ARHGAP32: variants seen among roughly 807,000 people sequenced by gnomAD.
ARHGAP32 encodes the protein Rho GTPase activating protein 32, also known as rho GTPase-activating protein 32.
Under a neutral mutation model 186.5 loss-of-function variants are expected in ARHGAP32, and 51 were observed. That is an observed-to-expected ratio of 0.27 (90% CI 0.22 to 0.35). ARHGAP32 has a LOEUF of 0.35. Among genes scored for constraint, ARHGAP32 ranks in the 10% least tolerant of loss-of-function variants. The probability of loss-of-function intolerance (pLI) is 1.00; values close to 1 mark genes in which losing one functional copy is unlikely to be tolerated. For synonymous variants in ARHGAP32, 950 were observed against 964.3 expected (o/e 0.99, Z 0.27); for missense variants, 2,186 against 2,623.5 (o/e 0.83, Z 3.64).
At chr11:129,153,169 C>A (rs1209229679) in intron 2 of ARHGAP32, among the ~76,000 whole-genome samples, 11 of 151,082 alleles carry the variant, frequency 7.3e-5, no homozygotes, top group Non-Finnish European at 4.4e-5. Context: ...TAGGAATATA[C>A]CTAACCAAGG....
intron 1 of ARHGAP32, among the ~76,000 whole-genome samples, chr11:129,216,669 T>TAA (rs201308944): frequency 0.083 from 9,813 of 118,508 alleles, 441 homozygotes; most frequent in Non-Finnish European, 0.096. Context: ...AGACTGTCTT[T>TAA]AAAAAAAAAA....
At chr11:129,024,616 A>G (rs1938750652) in intron 11 of ARHGAP32, among the ~76,000 whole-genome samples, 1 of 152,184 alleles carries the variant, frequency 6.6e-6, no homozygotes, top group African/African-American at 2.4e-5. Context: ...ATTCTAAGAC[A>G]ATCTCTTATG....
At chr11:129,268,877 T>C (rs1359415089) in intron 1 of ARHGAP32, among the ~76,000 whole-genome samples, 1 of 152,118 alleles carries the variant, frequency 6.6e-6, no homozygotes, top group Non-Finnish European at 1.5e-5. Flanking sequence ...AGCACCTCTC[T>C]ATCATCAACA....
chr11:129,042,810 C>A (rs1186537627), intron 10 of ARHGAP32, among the ~76,000 whole-genome samples: 1 of 152,098 alleles, frequency 6.6e-6, no homozygotes, highest in Non-Finnish European at 1.5e-5. Flanking sequence ...CGGTGTGAGT[C>A]CCAGCAATGG....
rs1345923944 is a variant in ARHGAP32 at position 128,976,612 on chromosome 11, G to A, written c.2145C>T (p.Leu715=). The change falls in exon 20 of 23, where the codon CTC becomes CTT. Residue 715 remains leucine (L), a synonymous_variant. Coordinates refer to ENST00000682385, the MANE Select transcript of ARHGAP32 (RefSeq NM_001378024.1). ...GAGACTCCTCACTTTTAGCTGAACG[G>A]AGGGTTCCTTCTGCCCTGCCACCTG... ...ALKGGRAEGT[L]RSAKSEESLT... The A allele has an allele frequency of 6.2e-7, 1 of 1,613,954 alleles. No individual in the cohort carries two copies. Among genetic ancestry groups the A allele is most frequent in the Admixed American group, 1.7e-5 (1 of 60,016 alleles).
chr11:129,204,697 A>G (rs1458629890), intron 1 of ARHGAP32, among the ~76,000 whole-genome samples: 1 of 152,186 alleles, frequency 6.6e-6, no homozygotes, highest in Non-Finnish European at 1.5e-5. Context: ...TAAAAATGAG[A>G]ATCAACAATG....
chr11:129,074,192 G>T (rs1940963891), intron 6 of ARHGAP32, among the ~76,000 whole-genome samples: 1 of 152,082 alleles, frequency 6.6e-6, no homozygotes, highest in Admixed American at 6.6e-5. Context: ...TACAACTTTG[G>T]TTCCTTATTC....
At chr11:129,196,634 C>T (rs1944395073), upstream of ARHGAP32, among the ~76,000 whole-genome samples, 1 of 152,098 alleles carries the variant, frequency 6.6e-6, no homozygotes, top group African/African-American at 2.4e-5. Flanking sequence ...TGGATTAAGG[C>T]CCAAACATAA....
intron 18 of ARHGAP32, among the ~76,000 whole-genome samples, chr11:128,980,023 G>A (rs1396123540): frequency 2.0e-5 from 3 of 152,188 alleles, no homozygotes; most frequent in Admixed American, 1.3e-4. Flanking sequence ...TGGGTCCCAC[G>A]CCCAGGGTTT....
At chr11:129,022,956 T>C (rs562843152) in intron 11 of ARHGAP32, among the ~76,000 whole-genome samples, 1 of 152,344 alleles carries the variant, frequency 6.6e-6, no homozygotes, top group East Asian at 1.9e-4. Flanking sequence ...CAGTAGATGC[T>C]TTTTTAAAAA....
In ARHGAP32 at chr11:128,972,686, T is replaced by C. The variant is rs373130976; in HGVS notation, c.3820A>G (p.Thr1274Ala). Residue 1274 changes from threonine (T) to alanine (A), a missense_variant, in exon 22 of 23, where the codon ACC becomes GCC. Around this residue, in one of 5 missense-constraint regions of ARHGAP32, gnomAD observed 1,502 missense variants for 1,570.0 expected, o/e 0.96. Coordinates refer to ENST00000682385, the MANE Select transcript of ARHGAP32 (RefSeq NM_001378024.1). ...GGAGTAGTTGTCATGTAAGTCATGGTGGCTGTGCTGGTATTCTCTTCGGGG... is the reference window on the plus strand; with the variant it reads ...GGAGTAGTTGTCATGTAAGTCATGGCGGCTGTGCTGGTATTCTCTTCGGGG... ...GSPEENTSTA[T>A]MTYMTTTPAT... 1 of 1,614,006 alleles carries C rather than the reference T, an allele frequency of 6.2e-7. No individual in the cohort carries two copies. Among genetic ancestry groups the C allele is most frequent in the African/African-American group, 1.3e-5 (1 of 74,912 alleles).
intron 5 of ARHGAP32, among the ~76,000 whole-genome samples, chr11:129,097,928 A>G (rs1373897922): frequency 6.6e-6 from 1 of 152,206 alleles, no homozygotes; most frequent in Non-Finnish European, 1.5e-5. Flanking sequence ...TCAAGATAGG[A>G]GTGACTCAAC....
intron 1 of ARHGAP32, among the ~76,000 whole-genome samples, chr11:129,165,562 T>A (rs922550486): frequency 6.8e-6 from 1 of 146,738 alleles, no homozygotes; most frequent in African/African-American, 2.5e-5. Context: ...TTATCTAGTA[T>A]CCAGTAAATA....
At chr11:129,146,933 A>T (rs1421228123) in intron 2 of ARHGAP32, among the ~76,000 whole-genome samples, 4 of 152,038 alleles carry the variant, frequency 2.6e-5, no homozygotes, top group Non-Finnish European at 4.4e-5. Context: ...AAAAAATTTC[A>T]CTCTCAAAGT....
At chr11:129,036,128 C>T (rs947975570) in intron 11 of ARHGAP32, among the ~76,000 whole-genome samples, 2 of 152,138 alleles carry the variant, frequency 1.3e-5, no homozygotes, top group East Asian at 1.9e-4. Context: ...CCTGTAATCC[C>T]AGCACTTTGG....
chr11:129,193,717 T>TATATGTAA (rs1178628538), upstream of ARHGAP32, among the ~76,000 whole-genome samples: 1 of 43,812 alleles, frequency 2.3e-5, no homozygotes, highest in Non-Finnish European at 4.5e-5. Flanking sequence ...ATATTATATA[T>TATATGTAA]TATATATTAT....
rs996678622 is a variant in ARHGAP32, at chr11:129,253,746, A to G, written c.-5+25400T>C. Among the ~76,000 whole-genome samples the G allele has an allele frequency of 3.9e-5, 6 of 152,248 alleles. No homozygotes were observed. In the East Asian group the frequency reaches 9.6e-4, roughly 24 times the overall value. ...GGAAAGTTCTGTGGTAACAGGAATC[A>G]TATCTATTTTAATTATCTTTATATT... On this transcript the variant is annotated intron_variant, in intron 1 of 6. Coordinates refer to the ARHGAP32 transcript ENST00000525234.
intron 5 of ARHGAP32, among the ~76,000 whole-genome samples, chr11:129,119,811 G>C (rs552922149): frequency 2.0e-5 from 3 of 152,016 alleles, no homozygotes; most frequent in African/African-American, 7.2e-5. Context: ...TTAAGTAAAG[G>C]AAACAAAAAG....
intron 22 of ARHGAP32, 51 bp from the exon 23 acceptor site, chr11:128,971,210 T>A (rs764463817): frequency 6.8e-7 from 1 of 1,466,580 alleles, no homozygotes; most frequent in South Asian, 1.3e-5. Context: ...CCTCTATGAA[T>A]CAAGTACTAT....
Sources: gnomAD v4.1 joint callset for allele counts (sites outside exome capture counted in the v4.1 genomes callset) on GRCh38, gnomAD v4.1.1 for gene constraint, gnomAD v4.1.1 regional missense constraint, MANE v1.5 for transcripts, NCBI Gene and HGNC (gene_info 2026-07-23, HGNC 2026-07-21) for gene names.